The following MACF1 variants were observed in gnomAD, a reference collection of about 807,000 sequenced individuals.
The protein encoded by MACF1 is microtubule actin crosslinking factor 1, also known as microtubule-actin cross-linking factor 1.
Under a neutral mutation model 854.8 loss-of-function variants are expected in MACF1, and 193 were observed. The ratio of observed to expected loss-of-function variants is 0.23; its 90% CI spans 0.20 to 0.25. The LOEUF is 0.25. MACF1 is among the 10% of genes least tolerant of loss of function. MACF1 has a pLI of 1.00. For missense variants in MACF1, 7,722 were observed against 8,929.1 expected (o/e 0.86, Z 5.45); for synonymous variants, 3,185 against 3,226.7 (o/e 0.99, Z 0.44).
intron 2 of MACF1, among the ~76,000 whole-genome samples, chr1:39,142,675 A>G (rs891693229): frequency 6.6e-6 from 1 of 152,154 alleles, no homozygotes; most frequent in African/African-American, 2.4e-5. Flanking sequence ...TTCCATTCTG[A>G]TGGCTAATTA....
chr1:39,190,386 TGTG>T lies in MACF1; in HGVS notation c.221-40795_221-40793del, dbSNP rs1644236948. ...CTCTTCTTTTGTGTGTGTGTGTGTG[TGTG>T]TGTTTGTTTTTGTTTTTTTTTTTTT... On this transcript the variant is annotated intron_variant, in intron 2 of 93. Transcript: ENST00000361689. 1.6e-5 allele frequency among the ~76,000 whole-genome samples: 2 copies of T among 126,600 alleles called. 1 individual carries two copies. The highest frequency in any genetic ancestry group is 3.4e-5 in the Non-Finnish European group (2 of 59,546). The allele number at this position is 126,600 out of a possible 152,430, so 83.1% of individuals were successfully genotyped here.
intron 97 of MACF1, 64 bp from the exon 98 acceptor site, chr1:39,479,734 A>C: frequency 6.9e-7 from 1 of 1,457,150 alleles, no homozygotes; most frequent in Non-Finnish European, 9.5e-7. Flanking sequence ...AAGCCGCTGT[A>C]TAACCGTCAA....
chr1:39,137,997 C>A (rs1252817744), intron 2 of MACF1, among the ~76,000 whole-genome samples: 1 of 145,414 alleles, frequency 6.9e-6, no homozygotes, highest in East Asian at 2.1e-4. Context: ...TTGCTTGATC[C>A]TGGGAGGCGG....
intron 44 of MACF1, among the ~76,000 whole-genome samples, chr1:39,355,609 G>A (rs1344399936): frequency 2.0e-5 from 3 of 151,750 alleles, no homozygotes; most frequent in East Asian, 1.9e-4. Context: ...GGGATTACAG[G>A]TGCACGCCAC....
intron 44 of MACF1, among the ~76,000 whole-genome samples, chr1:39,355,787 A>G (rs1381847038): frequency 3.3e-5 from 5 of 151,814 alleles, no homozygotes; most frequent in African/African-American, 1.2e-4. Flanking sequence ...TAAAGACATG[A>G]GGCCTCACTT....
intron 2 of MACF1, among the ~76,000 whole-genome samples, chr1:39,162,025 T>A (rs1643809347): frequency 6.6e-6 from 1 of 151,560 alleles, no homozygotes; most frequent in African/African-American, 2.4e-5. Flanking sequence ...ATCATGCCAC[T>A]GCACTACAGC....
At chr1:39,093,715 A>C (rs898124833) in intron 2 of MACF1, among the ~76,000 whole-genome samples, 1 of 151,494 alleles carries the variant, frequency 6.6e-6, no homozygotes, top group Non-Finnish European at 1.5e-5. Context: ...TAATCTCTTG[A>C]CCTTGTGATC....
At chr1:39,263,896 C>T (rs1251737983) in intron 6 of MACF1, among the ~76,000 whole-genome samples, 1 of 151,368 alleles carries the variant, frequency 6.6e-6, no homozygotes, top group Admixed American at 6.6e-5. Flanking sequence ...GCCTCAGCCT[C>T]CCGAGTAGCT....
intron 71 of MACF1, 33 bp from the exon 72 acceptor site, chr1:39,439,241 T>G (rs754011666): frequency 2.2e-6 from 3 of 1,349,356 alleles, no homozygotes; most frequent in Non-Finnish European, 3.2e-6. Context: ...CTTCAGAAAG[T>G]CCTATTCATA....
chr1:39,278,357 T>C (rs1024315553), intron 6 of MACF1, among the ~76,000 whole-genome samples: 4 of 152,176 alleles, frequency 2.6e-5, no homozygotes, highest in Non-Finnish European at 5.9e-5. Context: ...TCCAAACAGG[T>C]ATTTTATTTT....
intron 90 of MACF1, 186 bp from the exon 91 acceptor site, chr1:39,458,900 T>C (rs1178432975): frequency 3.5e-6 from 2 of 573,810 alleles, no homozygotes; most frequent in African/African-American, 1.9e-5. Context: ...CAGGTAAGTA[T>C]GTGCTGGGAG....
At chr1:39,436,003 G>C (rs1196158590) in intron 70 of MACF1, 3 of 492,408 alleles carry the variant, frequency 6.1e-6, no homozygotes, top group Non-Finnish European at 7.1e-6. Context: ...TGGTTTCTCT[G>C]AAAACTTTAT....
chr1:39,404,258 G>A (rs1163073217), intron 58 of MACF1, among the ~76,000 whole-genome samples: 2 of 151,728 alleles, frequency 1.3e-5, no homozygotes, highest in African/African-American at 2.4e-5. Context: ...GGGAGGCTTA[G>A]GCAGGTGCAT....
At position 39,387,799 on chromosome 1, in the gene MACF1, G is replaced by A; in HGVS notation, c.14957G>A (p.Gly4986Glu). ...GATGGAATCCGGGATGAGAAGGCTG[G>A]GATCAACCAGAACATGGATGCTGTT... ...DEDGIRDEKA[G>E]INQNMDAVTE... Residue 4986 changes from glycine (G) to glutamate (E), a missense_variant, in exon 58 of 101, where the codon GGG becomes GAG. Around this residue, in one of 15 missense-constraint regions of MACF1, gnomAD observed 2,807 missense variants for 3,235.8 expected, o/e 0.87. Transcript: ENST00000564288. The A allele has an allele frequency of 6.2e-7, 1 of 1,614,064 alleles. No homozygotes were observed. The highest frequency in any genetic ancestry group is 1.1e-5 in the South Asian group (1 of 91,066).
intron 97 of MACF1, among the ~76,000 whole-genome samples, chr1:39,477,141 C>CACACACACAG (rs1644922001): frequency 7.0e-6 from 1 of 143,636 alleles, no homozygotes; most frequent in Non-Finnish European, 1.5e-5. Context: ...TATATACACA[C>CACACACACAG]ACACACACAC....
rs1647070177 is a variant in MACF1 at position 39,347,143 on chromosome 1, A to G, written c.10748A>G (p.Gln3583Arg). 2 of 1,614,164 alleles carry G rather than the reference A, an allele frequency of 1.2e-6. No homozygotes were observed. Among genetic ancestry groups the G allele is most frequent in the Non-Finnish European group, 1.7e-6 (2 of 1,180,006 alleles). ...AGGTCCTTCCAGGACATTTTGGAAC[A>G]GACTGCCGCTCAGGTGGATGCCTTG... is the stretch of plus-strand genomic sequence containing the variant. Reference protein sequence around the residue: ...LQRSFQDILEQTAAQVDALQG... With the variant: ...LQRSFQDILERTAAQVDALQG... The change falls in exon 41 of 101, where the codon CAG (glutamine) becomes CGG (arginine). Residue 3583 changes from glutamine (Q) to arginine (R), a missense_variant. By Grantham distance (43) the Gln-to-Arg change is conservative. Transcript: ENST00000564288.
Position 39,361,523 on chromosome 1 carries a change from A to C in MACF1, c.12617A>C (p.Glu4206Ala). ...GAACAGCTCTGTCTACAGCAGCAAGAAAAGGAGAGCTCCCTAAAGAAGCTT... is the reference window on the plus strand; with the variant it reads ...GAACAGCTCTGTCTACAGCAGCAAGCAAAGGAGAGCTCCCTAAAGAAGCTT... ...RFEQLCLQQQ[E>A]KESSLKKLLP... The change falls in exon 49 of 101, where the codon GAA becomes GCA. Residue 4206 changes from glutamate (E) to alanine (A), a missense_variant. Transcript: ENST00000564288. The C allele has an allele frequency of 6.2e-7, 1 of 1,614,204 alleles. No individual in the cohort carries two copies. The highest frequency in any genetic ancestry group is 1.1e-5 in the South Asian group (1 of 91,082).
intron 80 of MACF1, among the ~76,000 whole-genome samples, 153 bp downstream of exon 80, chr1:39,444,988 A>G (rs752769669): frequency 4.6e-5 from 7 of 151,838 alleles, no homozygotes; most frequent in Non-Finnish European, 8.9e-5. Flanking sequence ...CATTGATGGT[A>G]TAAGTTTCTG....
chr1:39,295,838 CTG>C lies in MACF1; in HGVS notation c.2317_2318del (p.Val773Ter). On this transcript the variant is annotated frameshift_variant, in exon 20 of 101. Coordinates refer to ENST00000564288, the MANE Select transcript of MACF1 (RefSeq NM_001394062.1). LOFTEE classifies it high-confidence loss of function. The stretch of plus-strand genomic sequence containing the variant: ...GTTGCAGTGGATGAAGCAGCTGTGC[CTG>C]TGTGTTGAGCAGCATGTGAAAGAGA... Reference protein sequence around the residue: ...SQLQWMKQLCLCVEQHVKENT... With the variant: ...SQLQWMKQLCXCVEQHVKENT... The C allele has an allele frequency of 6.2e-7, 1 of 1,614,090 alleles. No homozygotes were observed. Among genetic ancestry groups the C allele is most frequent in the Non-Finnish European group, 8.5e-7 (1 of 1,180,008 alleles).
Sources: gnomAD v4.1 joint callset for allele counts (sites outside exome capture counted in the v4.1 genomes callset) on GRCh38, gnomAD v4.1.1 for gene constraint, gnomAD v4.1.1 regional missense constraint, MANE v1.5 for transcripts, NCBI Gene and HGNC (gene_info 2026-07-23, HGNC 2026-07-21) for gene names.